SSH2: variants seen among roughly 807,000 people sequenced by gnomAD.
The protein encoded by SSH2 is protein phosphatase Slingshot homolog 2.
In SSH2, 37 loss-of-function variants were observed where a neutral mutation model predicts 135.2. The ratio of observed to expected loss-of-function variants is 0.27; its 90% confidence interval spans 0.21 to 0.36. SSH2 has a LOEUF of 0.36. SSH2 is among the 10% of genes least tolerant of loss of function. The pLI, the probability that SSH2 is intolerant of heterozygous loss-of-function variation, is 1.00. For missense variants in SSH2, 1,408 were observed against 1,765.3 expected, an observed-to-expected ratio of 0.80 and a Z score of 3.63; for synonymous variants, 628 against 646.2, an observed-to-expected ratio of 0.97 and a Z score of 0.43.
intron 9 of SSH2, 40 bp from the exon 10 acceptor site, chr17:29,667,263 C>T (rs754881678): frequency 7.9e-7 from 1 of 1,258,358 alleles, no homozygotes; most frequent in South Asian, 1.3e-5. Context: ...AAACGATATT[C>T]TTAATAACGA....
intron 14 of SSH2, among the ~76,000 whole-genome samples, chr17:29,637,224 G>A (rs1185442289): frequency 6.6e-6 from 1 of 152,004 alleles, no homozygotes; most frequent in Non-Finnish European, 1.5e-5. Flanking sequence ...TCAGCCTCCC[G>A]AGTAGCTGGG....
At chr17:29,728,862 T>G (rs1306481003) in intron 3 of SSH2, among the ~76,000 whole-genome samples, 1 of 152,204 alleles carries the variant, frequency 6.6e-6, no homozygotes, top group African/African-American at 2.4e-5. Context: ...AGAGTGAAAC[T>G]AGCCTCCATC....
intron 3 of SSH2, among the ~76,000 whole-genome samples, chr17:29,770,091 A>AGTTTTTTT (rs2041537245): frequency 1.2e-5 from 1 of 84,906 alleles, no homozygotes. Context: ...TGCTATATTT[A>AGTTTTTTT]GTTTTTTTTT....
rs112288574 is a variant in SSH2 at position 29,640,084 on chromosome 17, G to GTT, written c.1428-3284_1428-3283dup. 9.3e-3 allele frequency among the ~76,000 whole-genome samples: 1,305 copies of GTT among 140,398 alleles called. 17 individuals carry two copies. Among genetic ancestry groups the GTT allele is most frequent in the African/African-American group, 0.033 (1,250 of 38,334 alleles). 92.1% of individuals were successfully genotyped at this position (140,398 alleles called of 152,430 possible). A position where few individuals can be genotyped will look rare whatever the true frequency, so the allele number is the denominator to read the frequency against. ...ATCCTCCAAAGTATGTTTTTTTTTTGTTTTTTTTTTTTGAGACGGAGTCTC... is the reference window on the plus strand; with the variant it reads ...ATCCTCCAAAGTATGTTTTTTTTTTGTTTTTTTTTTTTTTGAGACGGAGTCTC... On this transcript the variant is annotated intron_variant, in intron 14 of 15. Transcript: ENST00000540801.
intron 1 of SSH2, among the ~76,000 whole-genome samples, chr17:29,860,577 G>A (rs1467406855): frequency 1.3e-5 from 2 of 151,364 alleles, no homozygotes; most frequent in African/African-American, 4.9e-5. Context: ...GATTACAGGA[G>A]GGTCCCACCA....
At chr17:29,918,436 C>A (rs1167580258) in intron 1 of SSH2, among the ~76,000 whole-genome samples, 1 of 152,128 alleles carries the variant, frequency 6.6e-6, no homozygotes, top group Non-Finnish European at 1.5e-5. Context: ...CCAGTGTCTA[C>A]AATCACAAAT....
chr17:29,855,611 G>A (rs1214709547), intron 1 of SSH2: 1 of 152,442 alleles, frequency 6.6e-6, no homozygotes, highest in Non-Finnish European at 1.5e-5. Context: ...TAAAGGCCAA[G>A]ACATACCCTG....
chr17:29,677,830 AC>A, intron 6 of SSH2, 89 bp from the exon 7 acceptor site: 1 of 995,580 alleles, frequency 1.0e-6, no homozygotes, highest in East Asian at 2.4e-5. Context: ...CCAAGGATAA[AC>A]CCTTAAATTC....
intron 8 of SSH2, among the ~76,000 whole-genome samples, chr17:29,674,988 C>T (rs769780243): frequency 1.3e-5 from 2 of 152,226 alleles, no homozygotes; most frequent in African/African-American, 2.4e-5. Context: ...CTGCTCTGTA[C>T]TCTTCCCCAA....
At chr17:29,747,865 CCTCT>C (rs1376758783) in intron 3 of SSH2, among the ~76,000 whole-genome samples, 1 of 152,168 alleles carries the variant, frequency 6.6e-6, no homozygotes, top group Non-Finnish European at 1.5e-5. Flanking sequence ...GCAGTTTCAG[CCTCT>C]CTATTATTGC....
chr17:29,657,574 G>GTTT (rs764763821), intron 11 of SSH2, among the ~76,000 whole-genome samples: 984 of 80,060 alleles, frequency 0.012, 112 homozygotes, highest in African/African-American at 0.045. Flanking sequence ...CGGCTACTTT[G>GTTT]TTTTTTTTTT....
At chr17:29,748,986 T>A (rs2040845816) in intron 3 of SSH2, among the ~76,000 whole-genome samples, 1 of 152,240 alleles carries the variant, frequency 6.6e-6, no homozygotes, top group Non-Finnish European at 1.5e-5. Flanking sequence ...TCAACTTCAA[T>A]AATTCAATGT....
chr17:29,671,667 T>C (rs955227686), intron 9 of SSH2, among the ~76,000 whole-genome samples: 7 of 152,218 alleles, frequency 4.6e-5, no homozygotes, highest in Non-Finnish European at 1.0e-4. Flanking sequence ...AATTTCAAAT[T>C]AATGGAATCT....
chr17:29,818,078 C>G (rs1182364294), intron 2 of SSH2, among the ~76,000 whole-genome samples: 2 of 151,960 alleles, frequency 1.3e-5, no homozygotes, highest in Non-Finnish European at 2.9e-5. Flanking sequence ...CTCCCATATA[C>G]TTTAAATCAT....
At chr17:29,911,662 A>T (rs760433291) in intron 1 of SSH2, among the ~76,000 whole-genome samples, 4 of 152,200 alleles carry the variant, frequency 2.6e-5, no homozygotes, top group African/African-American at 4.8e-5. Context: ...AGAAAGATCA[A>T]GCAAACTTAC....
intron 3 of SSH2, among the ~76,000 whole-genome samples, chr17:29,788,420 G>A (rs1041616730): frequency 6.6e-6 from 1 of 152,130 alleles, no homozygotes; most frequent in African/African-American, 2.4e-5. Flanking sequence ...ATGGTGGACT[G>A]AGCCACCATT....
intron 3 of SSH2, among the ~76,000 whole-genome samples, chr17:29,782,475 C>T (rs1389921757): frequency 6.6e-6 from 1 of 152,192 alleles, no homozygotes; most frequent in East Asian, 1.9e-4. Context: ...CTGTATAATA[C>T]TGCCAGACTC....
intron 3 of SSH2, among the ~76,000 whole-genome samples, chr17:29,743,758 T>A (rs1247312825): frequency 2.0e-5 from 3 of 152,234 alleles, no homozygotes; most frequent in African/African-American, 7.2e-5. Context: ...TTATTCACTT[T>A]TAATTTTGAA....
At chr17:29,689,908 G>C (rs1198206109) in intron 5 of SSH2, among the ~76,000 whole-genome samples, 2 of 151,186 alleles carry the variant, frequency 1.3e-5, no homozygotes, top group Admixed American at 6.6e-5. Flanking sequence ...CAGCTACTCA[G>C]GAGGCTGAGT....
Sources: gnomAD v4.1 joint callset for allele counts (sites outside exome capture counted in the v4.1 genomes callset) on GRCh38, gnomAD v4.1.1 for gene constraint, MANE v1.5 for transcripts, NCBI Gene and HGNC (gene_info 2026-07-23, HGNC 2026-07-21) for gene names.